The following PTPRG variants were observed in gnomAD, a reference collection of about 807,000 sequenced individuals.
PTPRG encodes receptor-type tyrosine-protein phosphatase gamma.
In PTPRG, 102 loss-of-function variants were observed where a neutral mutation model predicts 165.3. The ratio of observed to expected loss-of-function variants is 0.62; its 90% confidence interval spans 0.53 to 0.73. The LOEUF is 0.73. PTPRG is among the 30% of genes least tolerant of loss of function. The pLI is 0.00. For missense variants in PTPRG, 1,866 were observed against 1,861.4 expected, an observed-to-expected ratio of 1.00 and a Z score of -0.05; for synonymous variants, 675 against 669.5, an observed-to-expected ratio of 1.01 and a Z score of -0.13.
intron 4 of PTPRG, among the ~76,000 whole-genome samples, chr3:62,060,515 G>C (rs557125474): frequency 1.4e-4 from 22 of 152,328 alleles, no homozygotes; most frequent in African/African-American, 5.3e-4. Flanking sequence ...CTCACTCTGA[G>C]ACTTCATTGA....
rs1702146280 is a variant in PTPRG, at chr3:62,273,677, A to G, written c.3319-21A>G. On this transcript the variant is annotated intron_variant, in intron 22 of 29. Transcript: ENST00000474889. This position sits in a 1 kb window ranked among gnomAD's most constrained non-coding sequence, Gnocchi z 4.1. ...AACCCTTAACACTCCCTCAGTGACT[A>G]CCATGTATTGTACCTCTTAGGAGCA... 1 of 1,611,922 alleles carries G rather than the reference A, an allele frequency of 6.2e-7. No individual in the cohort carries two copies. Among genetic ancestry groups the G allele is most frequent in the African/African-American group, 1.3e-5 (1 of 74,842 alleles).
At chr3:62,076,681 A>T (rs1171024218) in intron 4 of PTPRG, among the ~76,000 whole-genome samples, 1 of 151,592 alleles carries the variant, frequency 6.6e-6, no homozygotes, top group East Asian at 2.0e-4. Flanking sequence ...TCCCAGGTTC[A>T]AGTGATTCTC....
At chr3:62,108,951 T>C (rs1280630293) in intron 5 of PTPRG, among the ~76,000 whole-genome samples, 1 of 71,540 alleles carries the variant, frequency 1.4e-5, no homozygotes. Flanking sequence ...CTTTGTCAGA[T>C]GGATAGATTG....
At chr3:61,894,301 C>CAAAAAAAAAAAAAAAAAAAAAA (rs767479285) in intron 2 of PTPRG, among the ~76,000 whole-genome samples, 5 of 49,848 alleles carry the variant, frequency 1.0e-4, no homozygotes, top group African/African-American at 3.3e-4. Context: ...GACTCTGTGT[C>CAAAAAAAAAAAAAAAAAAAAAA]AAAAAAAAAA....
chr3:61,691,330 C>G (rs2030197132), intron 1 of PTPRG, among the ~76,000 whole-genome samples: 1 of 152,072 alleles, frequency 6.6e-6, no homozygotes, highest in African/African-American at 2.4e-5. Flanking sequence ...TCGCTTAAGC[C>G]CAGGACATAA....
chr3:61,833,924 G>A (rs1237592387), intron 2 of PTPRG, among the ~76,000 whole-genome samples: 1 of 152,064 alleles, frequency 6.6e-6, no homozygotes, highest in African/African-American at 2.4e-5. Flanking sequence ...GTAAATGTTA[G>A]GTATTCTCAT....
rs768719724 is a variant in PTPRG, at chr3:62,195,938, CCA to C, written c.1327+770_1327+771del. ...GAGTAGCTGGGATTACAGGCACCTG[CCA>C]CCACGCCCAGCTAATTTTTTGTATT... On this transcript the variant is annotated intron_variant, in intron 10 of 29. Transcript: ENST00000474889. The surrounding 1 kb of genome is among the most constrained non-coding windows in gnomAD (Gnocchi z 4.4). Among the ~76,000 whole-genome samples the C allele has an allele frequency of 6.6e-6, 1 of 151,956 alleles. No homozygotes were observed. Among genetic ancestry groups the C allele is most frequent in the East Asian group, 2.0e-4 (1 of 5,116 alleles).
rs1401402144 is a variant in PTPRG at position 62,296,635 on chromosome 3, A to C, written c.*3328A>C. ...ATGGTGCCAGTGAATTTTTATATGA[A>C]GGGAAAATGCCTGCTTTTTTTTTTT... On this transcript the variant is annotated 3_prime_UTR_variant, in exon 30 of 30. Coordinates refer to ENST00000474889, the MANE Select transcript of PTPRG (RefSeq NM_002841.4). 1 of 151,426 alleles carries C rather than the reference A, an allele frequency of 6.6e-6. No individual in the cohort carries two copies. The allele number at this position is 151,426 out of a possible 1,614,324, so 9.4% of individuals were successfully genotyped here.
chr3:61,837,578 G>A (rs1480758873), intron 2 of PTPRG, among the ~76,000 whole-genome samples: 1 of 152,192 alleles, frequency 6.6e-6, no homozygotes, highest in Non-Finnish European at 1.5e-5. Flanking sequence ...CAGCAGCATT[G>A]ATTGAACAAT....
chr3:61,705,413 G>C (rs1012158687), intron 1 of PTPRG, among the ~76,000 whole-genome samples: 3 of 152,088 alleles, frequency 2.0e-5, no homozygotes, highest in Non-Finnish European at 4.4e-5. Context: ...ATTTTGTCAG[G>C]GGTTTCAGGC....
chr3:61,677,898 C>G (rs4688266), intron 1 of PTPRG, among the ~76,000 whole-genome samples: 120,994 of 152,060 alleles, frequency 0.8, 48,270 homozygotes, highest in East Asian at 0.91. Flanking sequence ...GTGACTGGTA[C>G]AGTTTCAAAA....
chr3:61,783,633 G>C (rs748153122), intron 2 of PTPRG, among the ~76,000 whole-genome samples: 1 of 152,122 alleles, frequency 6.6e-6, no homozygotes, highest in African/African-American at 2.4e-5. Flanking sequence ...TGAGATTGAC[G>C]TTGAGTTGGG....
intron 2 of PTPRG, among the ~76,000 whole-genome samples, chr3:61,781,207 G>A (rs1291203217): frequency 6.6e-6 from 1 of 152,136 alleles, no homozygotes; most frequent in Non-Finnish European, 1.5e-5. Context: ...CTTTCCACCT[G>A]CATTAAAAAA....
In PTPRG at chr3:62,275,958, T is replaced by C. The variant is rs1471783348; in HGVS notation, c.3551T>C (p.Val1184Ala). 6.2e-6 allele frequency: 10 copies of C among 1,605,742 alleles called. No individual in the cohort carries two copies. The highest frequency in any genetic ancestry group is 1.1e-5 in the South Asian group (1 of 90,644). ...CNKEKNRNSS[V>A]VPSERARVGL... The stretch of plus-strand genomic sequence containing the variant: ...AAAGAAAAGAACAGAAACTCTTCAG[T>C]TGTGCCATGTAAGACTTTAAAACAG... Residue 1184 changes from valine to alanine, a missense_variant, in exon 24 of 30, where the codon GTT becomes GCT. Around this residue, in one of 3 missense-constraint regions of PTPRG, gnomAD observed 1,452 missense variants for 1,463.0 expected, o/e 0.99. Coordinates refer to ENST00000474889, the MANE Select transcript of PTPRG (RefSeq NM_002841.4).
rs1700820510 is a variant in PTPRG, at chr3:62,228,573, G to C, written c.2289-2652G>C. On this transcript the variant is annotated intron_variant, in intron 13 of 29. Transcript: ENST00000474889. The surrounding 1 kb of genome is among the most constrained non-coding windows in gnomAD (Gnocchi z 4.1). ...AAAAAGGACAAGTGCTCCAGGCAGA[G>C]GTCGCTGTGTAGGAGATGACCCAGA... Among the ~76,000 whole-genome samples, 2 of 151,982 alleles carry C rather than the reference G, an allele frequency of 1.3e-5. No individual in the cohort carries two copies. The highest frequency in any genetic ancestry group is 2.9e-5 in the Non-Finnish European group (2 of 67,998).
chr3:61,652,407 A>G (rs1702379126), intron 1 of PTPRG, among the ~76,000 whole-genome samples: 1 of 152,150 alleles, frequency 6.6e-6, no homozygotes, highest in African/African-American at 2.4e-5. Flanking sequence ...GCTGATCTTC[A>G]AGTTTACCTC....
At chr3:61,851,051 A>G (rs894710055) in intron 2 of PTPRG, among the ~76,000 whole-genome samples, 1 of 152,206 alleles carries the variant, frequency 6.6e-6, no homozygotes, top group African/African-American at 2.4e-5. Flanking sequence ...CTGTTCACCA[A>G]TAGCAGAATG....
chr3:62,166,600 C>T (rs1353558879), intron 7 of PTPRG, among the ~76,000 whole-genome samples: 16 of 151,826 alleles, frequency 1.1e-4, no homozygotes, highest in Admixed American at 6.6e-4. Context: ...CCTCCCAAAG[C>T]GGTGGGATTT....
chr3:62,291,201 A>G (rs1439538825), intron 28 of PTPRG, among the ~76,000 whole-genome samples: 1 of 152,184 alleles, frequency 6.6e-6, no homozygotes, highest in Non-Finnish European at 1.5e-5. Context: ...TCAGATTGGC[A>G]AAAGTGTTTC....
Sources: gnomAD v4.1 joint callset for allele counts (sites outside exome capture counted in the v4.1 genomes callset) on GRCh38, gnomAD v4.1.1 for gene constraint, gnomAD v4.1.1 regional missense constraint, Gnocchi (gnomAD v3.1) non-coding constraint, MANE v1.5 for transcripts, NCBI Gene and HGNC (gene_info 2026-07-23, HGNC 2026-07-21) for gene names.